The following ATP8A2 variants were observed in gnomAD, a reference collection of about 807,000 sequenced individuals.
ATP8A2 encodes the protein ATPase phospholipid transporting 8A2.
In ATP8A2, 100 loss-of-function variants were observed where a neutral mutation model predicts 165.6. The ratio of observed to expected loss-of-function variants is 0.60; its 90% CI spans 0.51 to 0.71. The LOEUF (loss-of-function observed/expected upper bound fraction) is 0.71. Among genes scored for constraint, ATP8A2 ranks in the 30% least tolerant of loss-of-function variants. The probability of loss-of-function intolerance (pLI) is 0.00; values close to 1 mark genes in which losing one functional copy is unlikely to be tolerated. For missense variants in ATP8A2, 1,227 were observed against 1,479.5 expected (o/e 0.83, Z 2.80); for synonymous variants, 543 against 548.8 (o/e 0.99, Z 0.15).
At chr13:25,849,646 C>T (rs1951958755) in intron 30 of ATP8A2, among the ~76,000 whole-genome samples, 1 of 152,156 alleles carries the variant, frequency 6.6e-6, no homozygotes, top group Admixed American at 6.5e-5. Flanking sequence ...GTGGTTTTGT[C>T]CCAGATGTTC....
chr13:25,645,256 C>T (rs916740131), intron 24 of ATP8A2, among the ~76,000 whole-genome samples: 2 of 152,098 alleles, frequency 1.3e-5, no homozygotes, highest in African/African-American at 4.8e-5. Flanking sequence ...CCAGTAAATG[C>T]ATCAGATCTT....
At chr13:25,488,760 G>A (rs760460229) in intron 2 of ATP8A2, among the ~76,000 whole-genome samples, 45 of 152,056 alleles carry the variant, frequency 3.0e-4, no homozygotes, top group Non-Finnish European at 1.3e-4. Context: ...ATTTTTGGTG[G>A]TGTTTTTGTC....
chr13:25,531,709 G>A (rs900839353), intron 4 of ATP8A2, among the ~76,000 whole-genome samples: 4 of 151,936 alleles, frequency 2.6e-5, no homozygotes, highest in African/African-American at 9.7e-5. Context: ...ACCTGACCTC[G>A]TGTGATGGCT....
chr13:25,790,043 A>G (rs1284118993), intron 27 of ATP8A2, among the ~76,000 whole-genome samples: 1 of 152,188 alleles, frequency 6.6e-6, no homozygotes, highest in African/African-American at 2.4e-5. Flanking sequence ...TTGAAACTGT[A>G]CCATTCCTTA....
At chr13:25,952,238 G>A (rs192933140) in intron 33 of ATP8A2, among the ~76,000 whole-genome samples, 12 of 152,246 alleles carry the variant, frequency 7.9e-5, no homozygotes, top group Non-Finnish European at 1.2e-4. Flanking sequence ...CAAGCTCTAG[G>A]CATTTCGTAC....
Position 25,839,545 on chromosome 13 carries a change from G to A in ATP8A2, c.2878-1G>A. The A allele has an allele frequency of 6.2e-7, 1 of 1,613,732 alleles. No individual in the cohort carries two copies. Among genetic ancestry groups the A allele is most frequent in the Admixed American group, 1.7e-5 (1 of 60,014 alleles). ...GACTCCCTTGGTTTGTTTTTCCTTA[G>A]GTTTTCTGGGGTCACTGCATCAACG... On this transcript the variant is annotated splice_acceptor_variant, in intron 29 of 36. Transcript: ENST00000381655. LOFTEE classifies it high-confidence loss of function.
At chr13:25,845,787 G>A (rs560731308) in intron 30 of ATP8A2, among the ~76,000 whole-genome samples, 1 of 152,168 alleles carries the variant, frequency 6.6e-6, no homozygotes, top group Admixed American at 6.5e-5. Context: ...CCTGAGACTT[G>A]CGTTGTTTCA....
At chr13:25,891,514 G>A (rs1426597773) in intron 33 of ATP8A2, among the ~76,000 whole-genome samples, 1 of 152,028 alleles carries the variant, frequency 6.6e-6, no homozygotes, top group Non-Finnish European at 1.5e-5. Flanking sequence ...GTAGAGACGG[G>A]GTTTCACCAG....
At chr13:25,648,665 A>T (rs940832690) in intron 24 of ATP8A2, among the ~76,000 whole-genome samples, 3 of 152,220 alleles carry the variant, frequency 2.0e-5, no homozygotes, top group African/African-American at 7.2e-5. Flanking sequence ...TCCATCTCAA[A>T]ACCAAAACAA....
intron 33 of ATP8A2, among the ~76,000 whole-genome samples, chr13:25,921,233 G>T (rs1954444095): frequency 6.6e-6 from 1 of 152,158 alleles, no homozygotes; most frequent in Non-Finnish European, 1.5e-5. Context: ...GAGGCTAAAA[G>T]ACTTTTCCTA....
At chr13:25,693,153 G>A (rs2042762588) in intron 24 of ATP8A2, among the ~76,000 whole-genome samples, 1 of 152,146 alleles carries the variant, frequency 6.6e-6, no homozygotes, top group African/African-American at 2.4e-5. Flanking sequence ...CTGGCCCTGG[G>A]ATCCAACCAT....
At chr13:25,419,499 T>G (rs1319218363) in intron 1 of ATP8A2, among the ~76,000 whole-genome samples, 2 of 126,498 alleles carry the variant, frequency 1.6e-5, no homozygotes, top group Non-Finnish European at 3.1e-5. Context: ...TTATGCTGTT[T>G]TAGCATTTTT....
At chr13:25,403,462 T>C (rs964056366) in intron 1 of ATP8A2, among the ~76,000 whole-genome samples, 1 of 152,326 alleles carries the variant, frequency 6.6e-6, no homozygotes, top group East Asian at 1.9e-4. Flanking sequence ...TACAGCAATG[T>C]ACTGTGCTAG....
chr13:25,825,452 C>G (rs1028747902), intron 27 of ATP8A2, among the ~76,000 whole-genome samples: 1 of 151,890 alleles, frequency 6.6e-6, no homozygotes, highest in Non-Finnish European at 1.5e-5. Flanking sequence ...AGTCACTATG[C>G]CCAGGCTCTT....
intron 2 of ATP8A2, among the ~76,000 whole-genome samples, chr13:25,501,505 G>A (rs1166675035): frequency 2.0e-5 from 3 of 152,148 alleles, no homozygotes; most frequent in Admixed American, 2.0e-4. Flanking sequence ...TGGATTGTTT[G>A]GTTTGCATGT....
intron 29 of ATP8A2, among the ~76,000 whole-genome samples, chr13:25,838,563 A>ATTT (rs538099896): frequency 0.011 from 1,549 of 145,584 alleles, 32 homozygotes; most frequent in African/African-American, 0.035. Flanking sequence ...ACTTTGAAGA[A>ATTT]TTTTTTTTTT....
rs145090913 is a variant in ATP8A2 at position 25,850,601 on chromosome 13, G to A, written c.2957-9594G>A. ...TGGCTTGGGGAACCCAACTATTCCC[G>A]GTTTGGGGTTTTGTCCCCCTTTGAA... On this transcript the variant is annotated intron_variant, in intron 30 of 36. Coordinates refer to ENST00000381655, the MANE Select transcript of ATP8A2 (RefSeq NM_016529.6). Among the ~76,000 whole-genome samples, 31 of 152,102 alleles carry A rather than the reference G, an allele frequency of 2.0e-4. No homozygotes were observed. The East Asian group carries it at 5.6e-3, about 28-fold the overall frequency.
chr13:25,567,995 C>T (rs2039365469), intron 16 of ATP8A2, among the ~76,000 whole-genome samples: 1 of 152,222 alleles, frequency 6.6e-6, no homozygotes, highest in South Asian at 2.1e-4. Flanking sequence ...TCTAAATTGT[C>T]TTGGGACTAT....
chr13:25,593,402 T>C (rs187479139), intron 24 of ATP8A2, among the ~76,000 whole-genome samples: 41 of 152,316 alleles, frequency 2.7e-4, no homozygotes, highest in African/African-American at 8.7e-4. Context: ...AATTAGGATT[T>C]ATGTCTGTGT....
Sources: gnomAD v4.1 joint callset for allele counts (sites outside exome capture counted in the v4.1 genomes callset) on GRCh38, gnomAD v4.1.1 for gene constraint, MANE v1.5 for transcripts, NCBI Gene and HGNC (gene_info 2026-07-23, HGNC 2026-07-21) for gene names.